Variants in REEP1 observed in about 807,000 individuals in gnomAD.
REEP1 encodes receptor accessory protein 1, also known as receptor expression-enhancing protein 1.
A neutral mutation model predicts 40.3 loss-of-function variants in REEP1; 22 were observed. That is an observed-to-expected ratio of 0.55 (90% CI 0.39 to 0.78). The LOEUF (loss-of-function observed/expected upper bound fraction) is 0.78, where lower values mean the gene tolerates loss of function less well. Among genes scored for constraint, REEP1 ranks in the 30% least tolerant of loss-of-function variants. The pLI is 0.00. For missense variants in REEP1, 280 were observed against 361.1 expected (o/e 0.78, Z 1.82); for synonymous variants, 116 against 139.2 (o/e 0.83, Z 1.17).
intron 5 of REEP1, among the ~76,000 whole-genome samples, chr2:86,234,242 G>T (rs932616968): frequency 2.6e-5 from 4 of 152,282 alleles, no homozygotes; most frequent in African/African-American, 7.2e-5. Context: ...AAGAGGGCAG[G>T]CGTGGTGGCT....
intron 1 of REEP1, among the ~76,000 whole-genome samples, chr2:86,291,887 G>C (rs1024613758): frequency 6.6e-6 from 1 of 152,178 alleles, no homozygotes; most frequent in Admixed American, 6.5e-5. Context: ...GCACAAAACA[G>C]AAAAGTCTGA....
chr2:86,217,684 T>TTTTTTTTTTTCTTTTTTTTC (rs1553456158), intron 8 of REEP1, among the ~76,000 whole-genome samples: 1 of 127,788 alleles, frequency 7.8e-6, no homozygotes, highest in Non-Finnish European at 1.7e-5. Flanking sequence ...TTTTTTTTTT[T>TTTTTTTTTTTCTTTTTTTTC]CAGATTTTGG....
chr2:86,252,111 C>A, intron 4 of REEP1, 41 bp from the exon 5 acceptor site: 2 of 1,326,248 alleles, frequency 1.5e-6, no homozygotes, highest in South Asian at 2.3e-5. Context: ...CTGGAAGGTT[C>A]AAACACATCT....
chr2:86,286,247 G>T (rs1424879178), intron 1 of REEP1, among the ~76,000 whole-genome samples: 1 of 152,194 alleles, frequency 6.6e-6, no homozygotes, highest in Non-Finnish European at 1.5e-5. Context: ...CTGATGCAGT[G>T]GTTCCCCACT....
intron 2 of REEP1, among the ~76,000 whole-genome samples, chr2:86,272,467 T>A (rs946260620): frequency 6.6e-6 from 1 of 152,226 alleles, no homozygotes; most frequent in African/African-American, 2.4e-5. Context: ...AACAATCACA[T>A]ACTGAAAAGC....
intron 6 of REEP1, among the ~76,000 whole-genome samples, chr2:86,228,816 C>A (rs1391880897): frequency 6.6e-6 from 1 of 152,212 alleles, no homozygotes; most frequent in Non-Finnish European, 1.5e-5. Flanking sequence ...CATTCTCCTT[C>A]CTCCTCAAGG....
intron 5 of REEP1, among the ~76,000 whole-genome samples, chr2:86,241,880 G>C (rs1394653569): frequency 6.6e-6 from 1 of 152,186 alleles, no homozygotes; most frequent in African/African-American, 2.4e-5. Flanking sequence ...GTCAGGCCCA[G>C]AACAGTGGGG....
At chr2:86,285,530 C>T (rs149207002) in intron 1 of REEP1, among the ~76,000 whole-genome samples, 169 of 152,252 alleles carry the variant, frequency 1.1e-3, no homozygotes, top group African/African-American at 3.8e-3. Flanking sequence ...TTCTTACTAC[C>T]CCATTTTACA....
intron 1 of REEP1, among the ~76,000 whole-genome samples, chr2:86,306,024 AAAG>A (rs772604899): frequency 3.9e-5 from 6 of 152,198 alleles, no homozygotes; most frequent in Admixed American, 6.5e-5. Flanking sequence ...TTTTGCTATG[AAAG>A]AGGATAAGTA....
upstream of REEP1, chr2:86,337,699 G>T: frequency 1.0e-6 from 1 of 981,330 alleles, no homozygotes; most frequent in Non-Finnish European, 1.2e-6. The surrounding 1 kb of genome is among the most constrained non-coding windows in gnomAD (Gnocchi z 5.8). Flanking sequence ...CGGCGGCGGC[G>T]GCCCCAGCCC....
At chr2:86,229,684 A>G (rs1674906500) in intron 6 of REEP1, among the ~76,000 whole-genome samples, 2 of 139,880 alleles carry the variant, frequency 1.4e-5, no homozygotes, top group African/African-American at 5.4e-5. Flanking sequence ...ATCTCATCTC[A>G]CTGCAACCTC....
At chr2:86,309,387 C>A (rs917513068) in intron 1 of REEP1, among the ~76,000 whole-genome samples, 2 of 152,234 alleles carry the variant, frequency 1.3e-5, no homozygotes, top group Non-Finnish European at 2.9e-5. Flanking sequence ...GACCTGAAGA[C>A]CAACTTTGAA....
chr2:86,283,004 C>T (rs931117403), intron 1 of REEP1, among the ~76,000 whole-genome samples: 6 of 152,146 alleles, frequency 3.9e-5, no homozygotes, highest in African/African-American at 1.2e-4. Flanking sequence ...CTGGAGTCTT[C>T]CTTCCCCCTT....
chr2:86,271,578 T>A (rs1385245855), intron 2 of REEP1, among the ~76,000 whole-genome samples: 6 of 152,230 alleles, frequency 3.9e-5, no homozygotes, highest in Non-Finnish European at 8.8e-5. Context: ...TTCTGGTGAA[T>A]CCATGTTGTC....
intron 1 of REEP1, among the ~76,000 whole-genome samples, chr2:86,307,736 A>C (rs1178144164): frequency 1.3e-5 from 2 of 152,222 alleles, no homozygotes; most frequent in Non-Finnish European, 2.9e-5. Flanking sequence ...TCTCAAAAAA[A>C]AAAAGACAAG....
intron 7 of REEP1, among the ~76,000 whole-genome samples, chr2:86,226,284 G>A (rs7591740): frequency 0.013 from 1,936 of 152,120 alleles, 43 homozygotes; most frequent in African/African-American, 0.044. Flanking sequence ...GCGGTTAGGT[G>A]ATTCACGCAA....
rs558257702 is a variant in REEP1, at chr2:86,232,504, C to A, written c.595+121G>T. On this transcript the variant is annotated intron_variant, in intron 6 of 8. Transcript: ENST00000538924. ...CTGACCTGGCATGATCTGATGGACACCCCGTTGGTGGCAGGTCCGTGGGGC... is the reference window on the plus strand; with the variant it reads ...CTGACCTGGCATGATCTGATGGACAACCCGTTGGTGGCAGGTCCGTGGGGC... 3 of 1,204,674 alleles carry A rather than the reference C, an allele frequency of 2.5e-6. No individual in the cohort carries two copies. The African/African-American group carries it at 4.5e-5, about 18-fold the overall frequency. 74.6% of individuals were successfully genotyped at this position (1,204,674 alleles called of 1,614,324 possible). A position where few individuals can be genotyped will look rare whatever the true frequency, so the allele number is the denominator to read the frequency against.
rs1325793315 is a variant in REEP1 at position 86,254,626 on chromosome 2, TC to T, written c.303+67del. 7.9e-6 allele frequency: 12 copies of T among 1,525,276 alleles called. No homozygotes were observed. In the East Asian group the frequency reaches 2.3e-4, roughly 29 times the overall value. The allele number at this position is 1,525,276 out of a possible 1,614,324, so 94.5% of individuals were successfully genotyped here. On this transcript the variant is annotated intron_variant, in intron 4 of 8. Coordinates refer to ENST00000538924, the MANE Select transcript of REEP1 (RefSeq NM_001371279.1). ...TGAGAAGTCTCCTGCAATAAGATCA[TC>T]CCTTTTTATTTATTACTTATTTTCT...
At chr2:86,304,941 A>G (rs913862132) in intron 1 of REEP1, among the ~76,000 whole-genome samples, 2 of 152,222 alleles carry the variant, frequency 1.3e-5, no homozygotes, top group Non-Finnish European at 2.9e-5. Flanking sequence ...GGATGTCTCC[A>G]GAGAGAAGAT....
Sources: gnomAD v4.1 joint callset for allele counts (sites outside exome capture counted in the v4.1 genomes callset) on GRCh38, gnomAD v4.1.1 for gene constraint, Gnocchi (gnomAD v3.1) non-coding constraint, MANE v1.5 for transcripts, NCBI Gene and HGNC (gene_info 2026-07-23, HGNC 2026-07-21) for gene names.